The following LEPROTL1 variants were observed in gnomAD, a reference collection of about 807,000 sequenced individuals.
LEPROTL1 encodes leptin receptor overlapping transcript-like 1.
Under a neutral mutation model 15.4 loss-of-function variants are expected in LEPROTL1, and 6 were observed. The ratio of observed to expected loss-of-function variants is 0.39; its 90% CI spans 0.21 to 0.77. LEPROTL1 has a LOEUF of 0.77. LEPROTL1 is among the 30% of genes least tolerant of loss of function. The pLI is 0.41. For missense variants in LEPROTL1, 128 were observed against 158.1 expected (o/e 0.81, Z 1.02); for synonymous variants, 56 against 52.6 (o/e 1.06, Z -0.28).
At chr8:30,101,733 A>C (rs1802470967) in intron 1 of LEPROTL1, among the ~76,000 whole-genome samples, 165 bp from the exon 2 acceptor site, 1 of 151,962 alleles carries the variant, frequency 6.6e-6, no homozygotes, top group Non-Finnish European at 1.5e-5. Flanking sequence ...GATACCACAG[A>C]AGACTTATTC....
intron 1 of LEPROTL1, among the ~76,000 whole-genome samples, chr8:30,100,849 CTGTG>C (rs113757454): frequency 3.3e-5 from 5 of 150,746 alleles, no homozygotes; most frequent in South Asian, 2.1e-4. Context: ...AAATGTACTG[CTGTG>C]TGTGTGTGTG....
Position 30,107,187 on chromosome 8 carries a change from T to C in LEPROTL1, c.*1325T>C. ...TTCCTTATAAAAGGCATTTGTTGTG[T>C]GAGTTAATGCAAAGTAGCCAAGTCC... is the stretch of plus-strand genomic sequence containing the variant. On this transcript the variant is annotated 3_prime_UTR_variant, in exon 4 of 4. Transcript: ENST00000321250. 1 of 985,440 alleles carries C rather than the reference T, an allele frequency of 1.0e-6. No homozygotes were observed. The highest frequency in any genetic ancestry group is 1.2e-6 in the Non-Finnish European group (1 of 829,936). The allele number at this position is 985,440 out of a possible 1,614,324, so 61.0% of individuals were successfully genotyped here.
intron 4 of LEPROTL1, among the ~76,000 whole-genome samples, chr8:30,133,468 G>C (rs752120901): frequency 1.3e-5 from 2 of 152,122 alleles, no homozygotes; most frequent in Non-Finnish European, 2.9e-5. Context: ...ACATTTACAC[G>C]CATGTTCAAC....
intron 3 of LEPROTL1, chr8:30,117,673 C>T (rs546871174): frequency 2.2e-5 from 32 of 1,474,514 alleles, no homozygotes; most frequent in Middle Eastern, 2.4e-4. Context: ...AGAAACCAGA[C>T]GATGACTTTG....
rs1458754325 is a variant in LEPROTL1 at position 30,106,326 on chromosome 8, G to T, written c.*464G>T. The stretch of plus-strand genomic sequence containing the variant: ...TAAAAATAAGTTTTCAGTCAGTCAG[G>T]ATGACATCACTCCCAATGTTATGCA... On this transcript the variant is annotated 3_prime_UTR_variant, in exon 4 of 4. Coordinates refer to ENST00000321250, the MANE Select transcript of LEPROTL1 (RefSeq NM_015344.3). 1 of 986,662 alleles carries T rather than the reference G, an allele frequency of 1.0e-6. No individual in the cohort carries two copies. 61.1% of individuals were successfully genotyped at this position (986,662 alleles called of 1,614,324 possible).
At chr8:30,125,773 G>A (rs1802895730) in intron 3 of LEPROTL1, among the ~76,000 whole-genome samples, 1 of 152,196 alleles carries the variant, frequency 6.6e-6, no homozygotes, top group South Asian at 2.1e-4. Flanking sequence ...GCCTCCAGGA[G>A]AGGGGTTCAG....
intron 2 of LEPROTL1, among the ~76,000 whole-genome samples, chr8:30,103,024 T>C (rs1239578922): frequency 6.6e-6 from 1 of 152,144 alleles, no homozygotes; most frequent in Non-Finnish European, 1.5e-5. Flanking sequence ...ATATATTTAG[T>C]GGGGGAGAGT....
In LEPROTL1 at chr8:30,095,524, C is replaced by T; in HGVS notation, c.12C>T (p.Ile4=). 1 of 1,451,272 alleles carries T rather than the reference C, an allele frequency of 6.9e-7. No homozygotes were observed. Among genetic ancestry groups the T allele is most frequent in the South Asian group, 1.3e-5 (1 of 74,760 alleles). The allele number at this position is 1,451,272 out of a possible 1,614,324, so 89.9% of individuals were successfully genotyped here. ...GCGACGTCACCGCCATGGCAGGCAT[C>T]AAAGGTGGGCCTGGGTTGCAGGACG... The part of the protein sequence containing the change: MAG[I]KALISLSFGG... Residue 4 remains isoleucine, a synonymous_variant, in exon 1 of 4, where the codon ATC becomes ATT. Transcript: ENST00000321250.
At chr8:30,136,726 C>G (rs1376055750) in intron 4 of LEPROTL1, among the ~76,000 whole-genome samples, 3 of 147,696 alleles carry the variant, frequency 2.0e-5, no homozygotes, top group African/African-American at 5.3e-5. Flanking sequence ...TCTCTCCCCC[C>G]GAACTTTTTT....
At chr8:30,126,750 G>A (rs1802911996) in intron 3 of LEPROTL1, among the ~76,000 whole-genome samples, 1 of 152,096 alleles carries the variant, frequency 6.6e-6, no homozygotes, top group African/African-American at 2.4e-5. Flanking sequence ...GCACTATGAG[G>A]GTAGTATATT....
At chr8:30,130,343 C>T (rs749561601) in intron 3 of LEPROTL1, among the ~76,000 whole-genome samples, 2 of 152,104 alleles carry the variant, frequency 1.3e-5, no homozygotes, top group Non-Finnish European at 2.9e-5. Flanking sequence ...TCATCACTGC[C>T]ATTGCTTAGA....
intron 3 of LEPROTL1, chr8:30,117,563 C>G: frequency 7.4e-7 from 1 of 1,350,746 alleles, no homozygotes; most frequent in South Asian, 1.2e-5. Flanking sequence ...TCACTCCACA[C>G]TTGTTTAGCC....
chr8:30,127,093 A>G (rs966233014), intron 3 of LEPROTL1, among the ~76,000 whole-genome samples: 1 of 152,062 alleles, frequency 6.6e-6, no homozygotes, highest in Non-Finnish European at 1.5e-5. Context: ...CTGAGTTCTC[A>G]TGACACTTCC....
downstream of LEPROTL1, among the ~76,000 whole-genome samples, chr8:30,112,852 G>T (rs1195086378): frequency 5.9e-5 from 9 of 151,872 alleles, no homozygotes; most frequent in Non-Finnish European, 1.0e-4. Context: ...CTTACCAATT[G>T]CCTGTATTGC....
intron 3 of LEPROTL1, among the ~76,000 whole-genome samples, chr8:30,131,296 A>G (rs113495241): frequency 0.04 from 4,916 of 123,672 alleles, 228 homozygotes; most frequent in African/African-American, 0.11. Flanking sequence ...ATATATATAT[A>G]TGTGTGTGTG....
At chr8:30,113,288 CAA>C (rs1554483765), downstream of LEPROTL1, among the ~76,000 whole-genome samples, 1 of 151,716 alleles carries the variant, frequency 6.6e-6, no homozygotes, top group Non-Finnish European at 1.5e-5. Context: ...ACAAAACAAA[CAA>C]AGAACAGAGA....
intron 3 of LEPROTL1, among the ~76,000 whole-genome samples, chr8:30,118,577 C>A (rs773177667): frequency 1.6e-4 from 24 of 152,096 alleles, no homozygotes; most frequent in Non-Finnish European, 3.4e-4. Flanking sequence ...TCAGGTGGGA[C>A]AAGAGACTGA....
At chr8:30,113,880 C>A (rs1802692374) in intron 3 of LEPROTL1, among the ~76,000 whole-genome samples, 1 of 152,138 alleles carries the variant, frequency 6.6e-6, no homozygotes, top group South Asian at 2.1e-4. Context: ...ACTGAGGAAA[C>A]AATGGAATAC....
chr8:30,124,700 ATAAC>A (rs553261845), intron 3 of LEPROTL1, among the ~76,000 whole-genome samples: 294 of 152,308 alleles, frequency 1.9e-3, no homozygotes, highest in Non-Finnish European at 2.1e-3. Context: ...AGTTATGTAA[ATAAC>A]TATATAAACA....
Sources: gnomAD v4.1 joint callset for allele counts (sites outside exome capture counted in the v4.1 genomes callset) on GRCh38, gnomAD v4.1.1 for gene constraint, MANE v1.5 for transcripts, NCBI Gene and HGNC (gene_info 2026-07-23, HGNC 2026-07-21) for gene names.